CLTB: variants seen among roughly 807,000 people sequenced by gnomAD.
CLTB encodes clathrin, light chain (Lcb).
CLTB carries 10 observed loss-of-function variants against 30.5 expected under a neutral mutation model. The observed-to-expected ratio is 0.33, with a 90% CI of 0.20 to 0.56. The LOEUF (loss-of-function observed/expected upper bound fraction) is 0.56, where lower values mean the gene tolerates loss of function less well. Among genes scored for constraint, CLTB ranks in the 20% least tolerant of loss-of-function variants. CLTB has a pLI of 0.91. For missense variants in CLTB, 261 were observed against 308.3 expected (o/e 0.85, Z 1.15); for synonymous variants, 102 against 120.3 (o/e 0.85, Z 1.00).
In CLTB at chr5:176,397,704, C is replaced by A. The variant is rs773045631; in HGVS notation, c.367G>T (p.Val123Phe). ...TTCTCCCGCCATTCCTGTTCCGTGACCTTAGATGCAGCATCTAGGACCCCA... is the reference window on the plus strand; with the variant it reads ...TTCTCCCGCCATTCCTGTTCCGTGAACTTAGATGCAGCATCTAGGACCCCA... ...RLQELDAASK[V>F]TEQEWREKAK... Residue 123 changes from valine (V) to phenylalanine (F), a missense_variant, in exon 4 of 6, where the codon GTC becomes TTC. By Grantham distance (50) the Val-to-Phe change is conservative. This residue lies in a region of CLTB where 123 missense variants were observed against 157.0 expected (regional missense o/e 0.78). Coordinates refer to ENST00000310418, the MANE Select transcript of CLTB (RefSeq NM_007097.5). The A allele has an allele frequency of 2.5e-6, 4 of 1,613,974 alleles. No individual in the cohort carries two copies. The highest frequency in any genetic ancestry group is 3.4e-6 in the Non-Finnish European group (4 of 1,179,946).
intron 2 of CLTB, among the ~76,000 whole-genome samples, chr5:176,402,792 AAC>A (rs1274165113): frequency 6.6e-6 from 1 of 152,192 alleles, no homozygotes; most frequent in Non-Finnish European, 1.5e-5. Flanking sequence ...ACCTTGCTGG[AAC>A]ACAGTTCAGA....
At chr5:176,412,567 C>T (rs1561802246) in intron 1 of CLTB, among the ~76,000 whole-genome samples, 1 of 152,316 alleles carries the variant, frequency 6.6e-6, no homozygotes, top group African/African-American at 2.4e-5. Flanking sequence ...GGTTAATAGG[C>T]AGATGGACAA....
chr5:176,415,230 T>A (rs978017576), intron 1 of CLTB, among the ~76,000 whole-genome samples: 1 of 152,202 alleles, frequency 6.6e-6, no homozygotes, highest in African/African-American at 2.4e-5. Context: ...CCGGACCACC[T>A]TTGGAAAACC....
At chr5:176,395,793 C>T (rs1756492219) in intron 5 of CLTB, among the ~76,000 whole-genome samples, 1 of 152,150 alleles carries the variant, frequency 6.6e-6, no homozygotes, top group Admixed American at 6.5e-5. Context: ...AGCTCTTGTC[C>T]TTTACATGCC....
chr5:176,392,630 G>A lies in CLTB; in HGVS notation c.*144C>T. On this transcript the variant is annotated 3_prime_UTR_variant, in exon 6 of 6. Coordinates refer to ENST00000310418, the MANE Select transcript of CLTB (RefSeq NM_007097.5). This position sits in a 1 kb window ranked among gnomAD's most constrained non-coding sequence, Gnocchi z 5.2. ...GGGAGCGAGGCGTGATGGGGTGAGG[G>A]CCCCCCTCCCAGCGCCTGGAGATGG... 1.1e-6 allele frequency: 1 copy of A among 919,946 alleles called. No homozygotes were observed. The highest frequency in any genetic ancestry group is 1.6e-6 in the Non-Finnish European group (1 of 609,794). 57.0% of individuals were successfully genotyped at this position (919,946 alleles called of 1,614,324 possible). A position where few individuals can be genotyped will look rare whatever the true frequency, so the allele number is the denominator to read the frequency against.
In CLTB at chr5:176,406,403, C is replaced by T. The variant is rs1395122873; in HGVS notation, c.234+3854G>A. ...CATGAGAACCTCTGTGGACCCACACCAGCCAAGCGTGTGCTGCGACTCCAG... is the reference window on the plus strand; with the variant it reads ...CATGAGAACCTCTGTGGACCCACACTAGCCAAGCGTGTGCTGCGACTCCAG... On this transcript the variant is annotated intron_variant, in intron 2 of 5. Transcript: ENST00000310418. 3.5e-6 allele frequency: 4 copies of T among 1,151,644 alleles called. No individual in the cohort carries two copies. In the East Asian group the frequency reaches 2.2e-4, roughly 64 times the overall value. 71.3% of individuals were successfully genotyped at this position (1,151,644 alleles called of 1,614,324 possible).
At chr5:176,403,070 G>A (rs1477743130) in intron 2 of CLTB, among the ~76,000 whole-genome samples, 1 of 139,684 alleles carries the variant, frequency 7.2e-6, no homozygotes, top group Non-Finnish European at 1.5e-5. Context: ...TTTTTTTTGA[G>A]GCGGAGTCTC....
chr5:176,394,831 T>G (rs527527282), intron 5 of CLTB, among the ~76,000 whole-genome samples: 9 of 151,626 alleles, frequency 5.9e-5, no homozygotes, highest in African/African-American at 2.2e-4. Flanking sequence ...AAAAAAAAGT[T>G]TGAGAAGCCC....
chr5:176,414,574 C>A (rs1757602728), intron 1 of CLTB, among the ~76,000 whole-genome samples: 1 of 152,010 alleles, frequency 6.6e-6, no homozygotes. Context: ...GCAGCTGGAA[C>A]TACAACTACA....
At chr5:176,407,967 G>A (rs554659133) in intron 2 of CLTB, among the ~76,000 whole-genome samples, 6 of 152,272 alleles carry the variant, frequency 3.9e-5, no homozygotes, top group South Asian at 2.1e-4. Flanking sequence ...CCTCCAGGGC[G>A]GGGCTCAGAA....
At chr5:176,399,919 CA>C (rs1283096096) in intron 2 of CLTB, among the ~76,000 whole-genome samples, 2 of 148,830 alleles carry the variant, frequency 1.3e-5, no homozygotes, top group African/African-American at 2.5e-5. Flanking sequence ...AGACCGGGCA[CA>C]GTGACTCACA....
Position 176,393,819 on chromosome 5 carries a change from G to C in CLTB, c.519-874C>G, listed in dbSNP as rs988924887. On this transcript the variant is annotated intron_variant, in intron 5 of 5. Coordinates refer to ENST00000310418, the MANE Select transcript of CLTB (RefSeq NM_007097.5). The surrounding 1 kb of genome is among the most constrained non-coding windows in gnomAD (Gnocchi z 4.4). ...ACAGTCTAGTGGACAAAATCTACAC[G>C]TGGGACTCACTAACAGAAAGACAAT... Among the ~76,000 whole-genome samples, 6 of 152,220 alleles carry C rather than the reference G, an allele frequency of 3.9e-5. No individual in the cohort carries two copies. The highest frequency in any genetic ancestry group is 8.8e-5 in the Non-Finnish European group (6 of 68,044).
intron 5 of CLTB, among the ~76,000 whole-genome samples, chr5:176,396,225 A>T (rs576660975): frequency 6.6e-6 from 1 of 151,974 alleles, no homozygotes; most frequent in Non-Finnish European, 1.5e-5. Flanking sequence ...CCCCTCCCAC[A>T]TGGGAATAAG....
At chr5:176,403,208 C>T (rs1202065883) in intron 2 of CLTB, among the ~76,000 whole-genome samples, 2 of 151,996 alleles carry the variant, frequency 1.3e-5, no homozygotes, top group Non-Finnish European at 1.5e-5. Context: ...TGCCACCACA[C>T]CTGGCTACTT....
chr5:176,396,555 G>A (rs757062644), intron 4 of CLTB, 23 bp from the exon 5 acceptor site: 2 of 1,596,762 alleles, frequency 1.3e-6, no homozygotes, highest in Admixed American at 3.4e-5. Context: ...GTTGAGGGAA[G>A]GGGTTAGGTG....
At chr5:176,394,983 T>C (rs542992725) in intron 5 of CLTB, among the ~76,000 whole-genome samples, 2 of 152,210 alleles carry the variant, frequency 1.3e-5, no homozygotes, top group Admixed American at 1.3e-4. Context: ...AAGCCTCCTG[T>C]GGCTCCCCAC....
intron 1 of CLTB, among the ~76,000 whole-genome samples, chr5:176,415,683 C>T (rs1389951621): frequency 1.3e-5 from 2 of 152,186 alleles, no homozygotes; most frequent in Non-Finnish European, 2.9e-5. Flanking sequence ...GTAACCAAGG[C>T]GCTTAGCCCA....
At position 176,394,681 on chromosome 5, in the gene CLTB, G is replaced by T. The variant is rs1756429603; in HGVS notation, c.519-1736C>A. 8.5e-5 allele frequency among the ~76,000 whole-genome samples: 13 copies of T among 152,256 alleles called. No homozygotes were observed. The South Asian group carries it at 2.5e-3, about 29-fold the overall frequency. On this transcript the variant is annotated intron_variant, in intron 5 of 5. Coordinates refer to ENST00000310418, the MANE Select transcript of CLTB (RefSeq NM_007097.5). The stretch of plus-strand genomic sequence containing the variant: ...ATACACAAAATTAGCCGGGCATGGT[G>T]GCGGGCACCTGTAGTCCCAGCTACT...
intron 2 of CLTB, among the ~76,000 whole-genome samples, chr5:176,398,539 C>T (rs1484195475): frequency 1.3e-5 from 2 of 151,748 alleles, no homozygotes; most frequent in African/African-American, 4.8e-5. Flanking sequence ...GGAGAAATCC[C>T]GACTCTACTA....
Sources: allele counts gnomAD v4.1 joint callset (sites outside exome capture counted in the v4.1 genomes callset), GRCh38; gene constraint gnomAD v4.1.1; regional missense constraint gnomAD v4.1.1; non-coding constraint Gnocchi (gnomAD v3.1); transcripts MANE v1.5; gene names NCBI Gene and HGNC (gene_info 2026-07-23, HGNC 2026-07-21).